The following ACBD5 variants were observed in gnomAD, a reference collection of about 807,000 sequenced individuals.
The protein encoded by ACBD5 is acyl-CoA binding domain containing 5, also known as acyl-CoA-binding domain-containing protein 5.
In ACBD5, 40 loss-of-function variants were observed where a neutral mutation model predicts 71.8. The observed-to-expected ratio is 0.56, with a 90% CI of 0.43 to 0.72. The LOEUF (loss-of-function observed/expected upper bound fraction) is 0.72, where lower values mean the gene tolerates loss of function less well. Ranked by LOEUF, ACBD5 falls within the 30% of genes least tolerant of loss-of-function variation. The probability of loss-of-function intolerance (pLI) is 0.00; values close to 1 mark genes in which losing one functional copy is unlikely to be tolerated. For synonymous variants in ACBD5, 229 were observed against 218.6 expected (o/e 1.05, Z -0.42); for missense variants, 559 against 644.5 (o/e 0.87, Z 1.44).
chr10:27,206,601 C>T (rs111890617), intron 10 of ACBD5, among the ~76,000 whole-genome samples: 6,027 of 152,042 alleles, frequency 0.04, 148 homozygotes, highest in African/African-American at 0.068. Context: ...CTGCAACCTC[C>T]GCCAACAGGG....
rs184784139 is a variant in ACBD5, at chr10:27,195,940, C to T, written c.*1490G>A. On this transcript the variant is annotated 3_prime_UTR_variant, in exon 13 of 13. Coordinates refer to ENST00000396271, the MANE Select transcript of ACBD5 (RefSeq NM_145698.5). Reference sequence around the variant, plus strand: ...GCTACAGGCCAGGTGCAGTGGCTCACGCCTCTAATCCCAGCACTTTGGGAG... The same window carrying T: ...GCTACAGGCCAGGTGCAGTGGCTCATGCCTCTAATCCCAGCACTTTGGGAG... 911 of 446,896 alleles carry T rather than the reference C, an allele frequency of 2.0e-3. 2 individuals carry two copies. Among genetic ancestry groups the T allele is most frequent in the Non-Finnish European group, 3.1e-3 (708 of 224,764 alleles). The allele number at this position is 446,896 out of a possible 1,614,324, so 27.7% of individuals were successfully genotyped here.
intron 8 of ACBD5, among the ~76,000 whole-genome samples, chr10:27,213,335 T>C (rs1351070918): frequency 1.3e-5 from 2 of 152,168 alleles, no homozygotes; most frequent in African/African-American, 2.4e-5. Flanking sequence ...TTAAAATGGC[T>C]TTTATCCCAA....
downstream of ACBD5, among the ~76,000 whole-genome samples, chr10:27,194,799 C>A (rs906139419): frequency 2.0e-5 from 3 of 151,672 alleles, no homozygotes; most frequent in African/African-American, 7.3e-5. Context: ...AGATGGAAAC[C>A]ATCCTGGCCA....
downstream of ACBD5, among the ~76,000 whole-genome samples, chr10:27,192,926 A>G (rs549219417): frequency 4.3e-4 from 65 of 151,706 alleles, no homozygotes; most frequent in African/African-American, 1.5e-3. Context: ...ACGAGATCAC[A>G]CCACTGCACT....
At chr10:27,201,742 G>T (rs2059949863) in intron 12 of ACBD5, among the ~76,000 whole-genome samples, 1 of 152,206 alleles carries the variant, frequency 6.6e-6, no homozygotes, top group Non-Finnish European at 1.5e-5. Context: ...CTCAGAGGTT[G>T]CAGTGAGCCG....
intron 12 of ACBD5, among the ~76,000 whole-genome samples, chr10:27,199,254 G>A (rs12360088): frequency 0.063 from 9,456 of 150,402 alleles, 344 homozygotes; most frequent in African/African-American, 0.098. Context: ...AGTGGCGCGC[G>A]ACCTCGGCTC....
At chr10:27,237,889 A>C (rs1295471040) in intron 2 of ACBD5, among the ~76,000 whole-genome samples, 1 of 152,050 alleles carries the variant, frequency 6.6e-6, no homozygotes, top group Non-Finnish European at 1.5e-5. Flanking sequence ...TGCTGGGATT[A>C]CAGGTGTGAG....
intron 12 of ACBD5, among the ~76,000 whole-genome samples, chr10:27,198,244 G>A (rs1336653427): frequency 6.6e-6 from 1 of 152,166 alleles, no homozygotes; most frequent in Non-Finnish European, 1.5e-5. Context: ...CAGTTTAGGT[G>A]GTGGGGGAGG....
At chr10:27,203,958 C>A (rs1167865979) in intron 12 of ACBD5, among the ~76,000 whole-genome samples, 4 of 151,422 alleles carry the variant, frequency 2.6e-5, no homozygotes, top group African/African-American at 9.7e-5. Context: ...TCCTCACAAA[C>A]CATAAAATTT....
At chr10:27,230,145 T>A (rs1490911751) in intron 4 of ACBD5, among the ~76,000 whole-genome samples, 1 of 151,394 alleles carries the variant, frequency 6.6e-6, no homozygotes, top group African/African-American at 2.4e-5. Flanking sequence ...AGGCTTTAGA[T>A]TACCTTTCAT....
At chr10:27,188,665 T>TAGTC (rs1280219214) in intron 13 of ACBD5, among the ~76,000 whole-genome samples, 1 of 152,232 alleles carries the variant, frequency 6.6e-6, no homozygotes, top group Non-Finnish European at 1.5e-5. Flanking sequence ...TGTGAAGCTA[T>TAGTC]AGTCACTTGA....
intron 4 of ACBD5, 22 bp from the exon 5 acceptor site, chr10:27,223,474 AT>A (rs1490940691): frequency 6.4e-7 from 1 of 1,551,068 alleles, no homozygotes; most frequent in Admixed American, 1.7e-5. Context: ...AGAAACAAAT[AT>A]TGTGAAATCA....
intron 13 of ACBD5, among the ~76,000 whole-genome samples, chr10:27,185,545 A>C (rs2058654501): frequency 6.6e-6 from 1 of 150,432 alleles, no homozygotes; most frequent in Non-Finnish European, 1.5e-5. Flanking sequence ...AGGTGGGAGA[A>C]TCGCTTGAAC....
At position 27,218,967 on chromosome 10, in the gene ACBD5, A is replaced by G. The variant is rs540065289; in HGVS notation, c.625+756T>C. Among the ~76,000 whole-genome samples the G allele has an allele frequency of 1.5e-4, 23 of 152,196 alleles. No individual in the cohort carries two copies. In the East Asian group the frequency reaches 4.2e-3, roughly 28 times the overall value. ...TATTGGTATTCCAACAGGGCCCTCAATGCTCTAAGCCATAATTCCAATGTT... is the reference window on the plus strand; with the variant it reads ...TATTGGTATTCCAACAGGGCCCTCAGTGCTCTAAGCCATAATTCCAATGTT... On this transcript the variant is annotated intron_variant, in intron 6 of 12. Transcript: ENST00000396271.
intron 4 of ACBD5, among the ~76,000 whole-genome samples, chr10:27,226,159 T>A (rs923105241): frequency 6.6e-6 from 1 of 152,112 alleles, no homozygotes; most frequent in African/African-American, 2.4e-5. Context: ...CTTTGTTTTT[T>A]CTTTTTCTTT....
At chr10:27,224,828 T>G (rs1589255562) in intron 4 of ACBD5, among the ~76,000 whole-genome samples, 1 of 152,012 alleles carries the variant, frequency 6.6e-6, no homozygotes, top group Non-Finnish European at 1.5e-5. Flanking sequence ...GTCAGGAGTT[T>G]GAGACCAGCC....
intron 10 of ACBD5, among the ~76,000 whole-genome samples, chr10:27,207,610 A>C (rs1486548098): frequency 6.6e-6 from 1 of 152,192 alleles, no homozygotes; most frequent in African/African-American, 2.4e-5. Flanking sequence ...TCTCTAACAA[A>C]TGTTACTCAA....
chr10:27,194,648 T>TAATAATAAG (rs1554822403), downstream of ACBD5, among the ~76,000 whole-genome samples: 1 of 148,574 alleles, frequency 6.7e-6, no homozygotes, highest in Non-Finnish European at 1.5e-5. Flanking sequence ...ATAATAATAA[T>TAATAATAAG]AAGATGGTTG....
At chr10:27,202,900 A>G (rs1354166218) in intron 12 of ACBD5, among the ~76,000 whole-genome samples, 1 of 151,538 alleles carries the variant, frequency 6.6e-6, no homozygotes, top group East Asian at 1.9e-4. Flanking sequence ...ACTAAACCCA[A>G]CCATCATAGG....
Sources: allele counts gnomAD v4.1 joint callset (sites outside exome capture counted in the v4.1 genomes callset), GRCh38; gene constraint gnomAD v4.1.1; transcripts MANE v1.5; gene names NCBI Gene and HGNC (gene_info 2026-07-23, HGNC 2026-07-21).